PRKG1: variants seen among roughly 807,000 people sequenced by gnomAD.
PRKG1 encodes the protein protein kinase cGMP-dependent 1.
In PRKG1, 35 loss-of-function variants were observed where a neutral mutation model predicts 88.1. The observed-to-expected ratio is 0.40, with a 90% CI of 0.30 to 0.53. PRKG1 has a LOEUF of 0.53. Among genes scored for constraint, PRKG1 ranks in the 20% least tolerant of loss-of-function variants. The probability of loss-of-function intolerance (pLI) is 0.59; values close to 1 mark genes in which losing one functional copy is unlikely to be tolerated. For missense variants in PRKG1, 540 were observed against 839.8 expected (o/e 0.64, Z 4.41); for synonymous variants, 303 against 292.5 (o/e 1.04, Z -0.37).
intron 2 of PRKG1, among the ~76,000 whole-genome samples, chr10:51,307,393 C>A (rs879852630): frequency 1.3e-5 from 2 of 152,078 alleles, no homozygotes. Context: ...TCAGTGGTGG[C>A]ACCAGGATTT....
intron 3 of PRKG1, among the ~76,000 whole-genome samples, chr10:51,674,622 A>C (rs991226408): frequency 3.9e-5 from 6 of 152,208 alleles, no homozygotes; most frequent in African/African-American, 1.4e-4. Flanking sequence ...TTACATCTCA[A>C]AACTGCTCAA....
chr10:52,146,311 G>A lies in PRKG1; in HGVS notation c.1001+12406G>A, dbSNP rs150242604. 2.6e-5 allele frequency among the ~76,000 whole-genome samples: 4 copies of A among 152,156 alleles called. No homozygotes were observed. In the South Asian group the frequency reaches 6.2e-4, roughly 24 times the overall value. ...AAAGGGAATTACTGTTGATAATTTC[G>A]TGTCCTTAAATAGTGAGATAATTCT... is the stretch of plus-strand genomic sequence containing the variant. On this transcript the variant is annotated intron_variant, in intron 8 of 17. Coordinates refer to ENST00000373980, the MANE Select transcript of PRKG1 (RefSeq NM_006258.4).
At chr10:51,362,865 G>C (rs1051053478) in intron 2 of PRKG1, among the ~76,000 whole-genome samples, 1 of 151,800 alleles carries the variant, frequency 6.6e-6, no homozygotes, top group Non-Finnish European at 1.5e-5. Context: ...ACTTATGAGC[G>C]AGAACATGTG....
At chr10:51,963,271 A>T (rs1490341762) in intron 5 of PRKG1, among the ~76,000 whole-genome samples, 1 of 152,174 alleles carries the variant, frequency 6.6e-6, no homozygotes, top group Non-Finnish European at 1.5e-5. Context: ...AAAAATAGGC[A>T]GTTGAATTCT....
intron 4 of PRKG1, among the ~76,000 whole-genome samples, chr10:51,867,378 T>C (rs1841043042): frequency 6.6e-6 from 1 of 152,112 alleles, no homozygotes; most frequent in South Asian, 2.1e-4. Flanking sequence ...TGGTTGGATG[T>C]GTATTTAATA....
At chr10:51,878,060 A>C (rs2132872600) in intron 4 of PRKG1, among the ~76,000 whole-genome samples, 1 of 152,342 alleles carries the variant, frequency 6.6e-6, no homozygotes, top group Admixed American at 6.5e-5. Flanking sequence ...CATATGACTA[A>C]GTTAACATAA....
chr10:51,983,308 C>T (rs1844063087), intron 5 of PRKG1, among the ~76,000 whole-genome samples: 1 of 152,132 alleles, frequency 6.6e-6, no homozygotes, highest in African/African-American at 2.4e-5. Context: ...GCTACACACA[C>T]TGCTGGCAAA....
intron 2 of PRKG1, among the ~76,000 whole-genome samples, chr10:51,391,790 GC>G (rs1837411360): frequency 6.6e-6 from 1 of 152,178 alleles, no homozygotes; most frequent in East Asian, 1.9e-4. Flanking sequence ...AGCATTGACT[GC>G]TTTTTTGCCA....
chr10:51,262,187 G>A (rs772265738), intron 2 of PRKG1, among the ~76,000 whole-genome samples: 12 of 151,866 alleles, frequency 7.9e-5, no homozygotes, highest in Admixed American at 7.9e-4. Flanking sequence ...TGCCCGGCCA[G>A]GACTTTCTAA....
At chr10:51,888,467 C>A (rs750918670) in intron 4 of PRKG1, among the ~76,000 whole-genome samples, 7 of 152,180 alleles carry the variant, frequency 4.6e-5, no homozygotes, top group Non-Finnish European at 7.3e-5. Context: ...CTTTCATAAC[C>A]CTTTTGTCAT....
At chr10:51,094,432 G>A (rs374760856) in intron 1 of PRKG1, among the ~76,000 whole-genome samples, 14 of 151,956 alleles carry the variant, frequency 9.2e-5, no homozygotes, top group African/African-American at 3.1e-4. Context: ...TTTGAGCTAT[G>A]AATATAAGAA....
chr10:52,056,455 A>G (rs1846112401), intron 6 of PRKG1, among the ~76,000 whole-genome samples: 1 of 152,208 alleles, frequency 6.6e-6, no homozygotes, highest in Non-Finnish European at 1.5e-5. Flanking sequence ...GCCTAAAAGT[A>G]ATGCTTTGTA....
In PRKG1 at chr10:51,034,668, T is replaced by TTTTTATATA. The variant is rs9299454; in HGVS notation, c.266+43025_266+43026insTTTATATAT. Among the ~76,000 whole-genome samples, 9 of 68,186 alleles carry TTTTTATATA rather than the reference T, an allele frequency of 1.3e-4. 1 individual carries two copies. Among genetic ancestry groups the TTTTTATATA allele is most frequent in the South Asian group, 5.4e-4 (1 of 1,840 alleles). The allele number at this position is 68,186 out of a possible 152,430, so 44.7% of individuals were successfully genotyped here. Reference sequence around the variant, plus strand: ...AGCAAAATTATATATAATATGTTATTTATATATATATATATATATATATAT... The same window carrying TTTTTATATA: ...AGCAAAATTATATATAATATGTTATTTTTTATATATATATATATATATATATATATATAT... On this transcript the variant is annotated intron_variant, in intron 1 of 17. Coordinates refer to the PRKG1 transcript ENST00000401604.
intron 7 of PRKG1, among the ~76,000 whole-genome samples, chr10:52,098,105 G>A (rs145580080): frequency 6.6e-6 from 1 of 152,228 alleles, no homozygotes; most frequent in African/African-American, 2.4e-5. Flanking sequence ...GGAAGAAAAT[G>A]TTACAGTAGG....
rs528569883 is a variant in PRKG1, at chr10:51,208,532, A to G, written c.478+55202A>G. 7.9e-5 allele frequency among the ~76,000 whole-genome samples: 12 copies of G among 152,306 alleles called. No homozygotes were observed. The South Asian group carries it at 2.5e-3, about 32-fold the overall frequency. On this transcript the variant is annotated intron_variant, in intron 2 of 17. Coordinates refer to ENST00000373980, the MANE Select transcript of PRKG1 (RefSeq NM_006258.4). ...AAGCTTCCTTTCTGTAATATTAAGG[A>G]TGAAAAGGGTTAGGGGAGTTCAGAA...
At chr10:51,807,639 G>A (rs929505639) in intron 4 of PRKG1, among the ~76,000 whole-genome samples, 1 of 152,124 alleles carries the variant, frequency 6.6e-6, no homozygotes, top group East Asian at 1.9e-4. Flanking sequence ...AACCAGCAAG[G>A]CTTGTCTGTT....
At chr10:52,137,264 C>T (rs952952594) in intron 8 of PRKG1, among the ~76,000 whole-genome samples, 92 of 152,202 alleles carry the variant, frequency 6.0e-4, no homozygotes, top group African/African-American at 2.1e-3. Flanking sequence ...TAAACAGATA[C>T]ATGGTGTCCT....
At chr10:51,490,061 CAAGA>C (rs1840665579) in intron 3 of PRKG1, among the ~76,000 whole-genome samples, 1 of 152,000 alleles carries the variant, frequency 6.6e-6, no homozygotes, top group Admixed American at 6.6e-5. Context: ...CATTTCTAAA[CAAGA>C]TGAAACAGTT....
intron 3 of PRKG1, among the ~76,000 whole-genome samples, chr10:51,577,878 G>A (rs1244154937): frequency 6.6e-6 from 1 of 151,920 alleles, no homozygotes; most frequent in African/African-American, 2.4e-5. Flanking sequence ...CTGGAATATT[G>A]TTCATTCAAT....
Sources: gnomAD v4.1 joint callset for allele counts (sites outside exome capture counted in the v4.1 genomes callset) on GRCh38, gnomAD v4.1.1 for gene constraint, MANE v1.5 for transcripts, NCBI Gene and HGNC (gene_info 2026-07-23, HGNC 2026-07-21) for gene names.